Variants in COLQ observed in about 807,000 individuals in gnomAD.
COLQ encodes the protein acetylcholinesterase collagenic tail peptide.
COLQ carries 48 observed loss-of-function variants against 69.0 expected under a neutral mutation model. That is an observed-to-expected ratio of 0.70 (90% CI 0.55 to 0.88). The LOEUF (loss-of-function observed/expected upper bound fraction) is 0.88, where lower values mean the gene tolerates loss of function less well. Ranked by LOEUF, COLQ falls within the 40% of genes least tolerant of loss-of-function variation. The probability of loss-of-function intolerance (pLI) is 0.00; values close to 1 mark genes in which losing one functional copy is unlikely to be tolerated. For synonymous variants in COLQ, 217 were observed against 211.2 expected, an observed-to-expected ratio of 1.03 and a Z score of -0.24; for missense variants, 618 against 594.6, an observed-to-expected ratio of 1.04 and a Z score of -0.41.
At position 15,505,502 on chromosome 3, in the gene COLQ, G is replaced by A. The variant is rs193196381; in HGVS notation, c.107-15865C>T. ...CTAAAGAAAGGCATCTGCTTTTTGA[G>A]TTCAAGTTCTAATTTGACCAAATGG... On this transcript the variant is annotated intron_variant, in intron 1 of 16. Coordinates refer to ENST00000383788, the MANE Select transcript of COLQ (RefSeq NM_005677.4). 3.3e-5 allele frequency among the ~76,000 whole-genome samples: 5 copies of A among 152,328 alleles called. No individual in the cohort carries two copies. In the East Asian group the frequency reaches 9.6e-4, roughly 29 times the overall value.
intron 1 of COLQ, among the ~76,000 whole-genome samples, chr3:15,500,070 CG>C (rs1559529314): frequency 6.6e-6 from 1 of 152,058 alleles, no homozygotes; most frequent in African/African-American, 2.4e-5. Flanking sequence ...AAATGGGTAA[CG>C]GTTGAGGGGT....
chr3:15,489,709 G>A (rs2062632634), intron 1 of COLQ, 72 bp from the exon 2 acceptor site: 1 of 1,372,424 alleles, frequency 7.3e-7, no homozygotes, highest in Non-Finnish European at 1.0e-6. Flanking sequence ...CCGTGCCCAG[G>A]GAAGACCCAT....
intron 1 of COLQ, chr3:15,506,867 G>A (rs942284259): frequency 6.6e-6 from 1 of 152,262 alleles, no homozygotes; most frequent in African/African-American, 2.4e-5. Flanking sequence ...TCAGTCTCCT[G>A]AGTAGCTGGG....
At chr3:15,506,386 A>G (rs191535348) in intron 1 of COLQ, among the ~76,000 whole-genome samples, 4 of 152,368 alleles carry the variant, frequency 2.6e-5, no homozygotes, top group Admixed American at 1.3e-4. Flanking sequence ...AATTCAAAAC[A>G]TACAAACAAG....
At chr3:15,487,675 A>G (rs2062596272) in intron 3 of COLQ, among the ~76,000 whole-genome samples, 1 of 152,092 alleles carries the variant, frequency 6.6e-6, no homozygotes, top group Non-Finnish European at 1.5e-5. Context: ...GGGTCTCTGG[A>G]GGGTACTCTT....
chr3:15,466,474 T>C (rs1186114042), intron 11 of COLQ, 37 bp from the exon 12 acceptor site: 1 of 1,569,138 alleles, frequency 6.4e-7, no homozygotes, highest in East Asian at 2.2e-5. Flanking sequence ...TATGAAAGCA[T>C]GACATAGCAA....
chr3:15,501,905 G>A (rs2062835383), intron 1 of COLQ, among the ~76,000 whole-genome samples: 1 of 152,182 alleles, frequency 6.6e-6, no homozygotes, highest in African/African-American at 2.4e-5. Context: ...AGCTAAGGTT[G>A]ATCTCTGTGT....
At chr3:15,489,755 C>T (rs1363107904) in intron 1 of COLQ, 118 bp from the exon 2 acceptor site, 8 of 852,082 alleles carry the variant, frequency 9.4e-6, no homozygotes, top group Non-Finnish European at 1.6e-5. Context: ...AATTTCTAGC[C>T]TGTTAGATGT....
At chr3:15,464,101 T>C (rs2062162003) in intron 12 of COLQ, among the ~76,000 whole-genome samples, 1 of 150,996 alleles carries the variant, frequency 6.6e-6, no homozygotes, top group African/African-American at 2.4e-5. Context: ...ACAAAGCTCC[T>C]AATTGGGGTG....
chr3:15,458,051 A>G (rs1213297069), intron 13 of COLQ, 135 bp downstream of exon 13: 28 of 918,452 alleles, frequency 3.0e-5, no homozygotes, highest in Middle Eastern at 6.6e-4. Flanking sequence ...ATATTTTCCA[A>G]TTTCCTATAA....
chr3:15,509,570 C>T (rs1356585856), intron 1 of COLQ, among the ~76,000 whole-genome samples: 1 of 152,204 alleles, frequency 6.6e-6, no homozygotes, highest in Admixed American at 6.5e-5. Context: ...GTGTGAGCAT[C>T]CCATGTCCTG....
chr3:15,480,641 T>G (rs1188947644), intron 3 of COLQ, among the ~76,000 whole-genome samples: 1 of 152,224 alleles, frequency 6.6e-6, no homozygotes, highest in Non-Finnish European at 1.5e-5. Context: ...CCAATAAACA[T>G]ACGTGGGCAT....
chr3:15,505,061 A>T (rs78832831), intron 1 of COLQ, among the ~76,000 whole-genome samples: 7,060 of 152,306 alleles, frequency 0.046, 227 homozygotes, highest in Middle Eastern at 0.071. Flanking sequence ...CCATTAAAAA[A>T]TTTTAGATAG....
intron 14 of COLQ, 103 bp downstream of exon 14, chr3:15,456,357 A>G: frequency 2.0e-6 from 3 of 1,501,408 alleles, no homozygotes; most frequent in Non-Finnish European, 2.7e-6. Flanking sequence ...GACAGACTGT[A>G]GAAAGCCCTC....
intron 3 of COLQ, among the ~76,000 whole-genome samples, chr3:15,487,121 A>G (rs558728647): frequency 1.3e-5 from 2 of 152,198 alleles, no homozygotes; most frequent in African/African-American, 4.8e-5. Context: ...GCAGAGAATT[A>G]AAGTAGGTCA....
intron 3 of COLQ, among the ~76,000 whole-genome samples, chr3:15,487,830 C>T (rs778920884): frequency 4.6e-5 from 7 of 152,254 alleles, no homozygotes; most frequent in East Asian, 3.9e-4. Context: ...CTGTGCTGAA[C>T]GCAGGCACCT....
chr3:15,521,375 A>G (rs1222401561), intron 1 of COLQ, 145 bp downstream of exon 1: 4 of 1,048,370 alleles, frequency 3.8e-6, no homozygotes, highest in Non-Finnish European at 5.7e-6. Context: ...GGTGACAGGA[A>G]GCTGCTGGGG....
chr3:15,456,252 T>C (rs2062023874), intron 14 of COLQ, among the ~76,000 whole-genome samples: 1 of 146,004 alleles, frequency 6.8e-6, no homozygotes, highest in African/African-American at 2.8e-5. Context: ...TCTGGAACCC[T>C]GGCTCAGAGA....
chr3:15,456,900 G>A (rs2062034666), intron 13 of COLQ, among the ~76,000 whole-genome samples: 1 of 151,592 alleles, frequency 6.6e-6, no homozygotes, highest in Admixed American at 6.6e-5. Context: ...TCGGCTCATT[G>A]CAACCTCTGC....
Sources: allele counts gnomAD v4.1 joint callset (sites outside exome capture counted in the v4.1 genomes callset), GRCh38; gene constraint gnomAD v4.1.1; transcripts MANE v1.5; gene names NCBI Gene and HGNC (gene_info 2026-07-23, HGNC 2026-07-21).